Variants in CSMD1 observed in about 807,000 individuals in gnomAD.
The protein encoded by CSMD1 is CUB and Sushi multiple domains 1.
CSMD1 carries 213 observed loss-of-function variants against 417.5 expected under a neutral mutation model. The ratio of observed to expected loss-of-function variants is 0.51; its 90% CI spans 0.46 to 0.57. The LOEUF (loss-of-function observed/expected upper bound fraction) is 0.57. Ranked by LOEUF, CSMD1 falls within the 20% of genes least tolerant of loss-of-function variation. The pLI, the probability that CSMD1 is intolerant of heterozygous loss-of-function variation, is 0.00. For missense variants in CSMD1, 6,923 were observed against 4,529.7 expected, an observed-to-expected ratio of 1.53 and a Z score of -15.17; for synonymous variants, 2,862 against 1,736.8, an observed-to-expected ratio of 1.65 and a Z score of -16.11.
At chr8:3,318,937 T>A (rs562414939) in intron 23 of CSMD1, among the ~76,000 whole-genome samples, 48 of 152,150 alleles carry the variant, frequency 3.2e-4, no homozygotes, top group African/African-American at 1.0e-3. Context: ...TTACAAATAA[T>A]AAAAACATAC....
intron 2 of CSMD1, among the ~76,000 whole-genome samples, chr8:4,579,526 C>A (rs1370054657): frequency 6.6e-6 from 1 of 151,924 alleles, no homozygotes; most frequent in African/African-American, 2.4e-5. Context: ...CCACGCCCAG[C>A]TAATTTTTTG....
Position 3,151,398 on chromosome 8 carries a change from A to G in CSMD1, c.6030T>C (p.Tyr2010=), listed in dbSNP as rs1187260453. 6.3e-7 allele frequency: 1 copy of G among 1,599,752 alleles called. No individual in the cohort carries two copies. The highest frequency in any genetic ancestry group is 1.7e-5 in the Admixed American group (1 of 59,800). The change falls in exon 40 of 70, where the codon TAT becomes TAC. Residue 2010 remains tyrosine, a splice_region_variant and synonymous_variant. Coordinates refer to ENST00000635120, the MANE Select transcript of CSMD1 (RefSeq NM_033225.6). ...GGAATTGGTAACATTTTCACTTACC[A>G]TAGCCGATGGGTAATGAGATCCTCC... The part of the protein sequence containing the change: ...CTWRISLPIG[Y]GAHIQFLNFS...
chr8:4,197,890 G>C (rs1161974595), intron 3 of CSMD1, among the ~76,000 whole-genome samples: 3 of 151,832 alleles, frequency 2.0e-5, no homozygotes, highest in African/African-American at 7.3e-5. Flanking sequence ...AAGTTAAGAA[G>C]AAAAAAAGCT....
intron 2 of CSMD1, among the ~76,000 whole-genome samples, chr8:4,483,705 T>C (rs1026889289): frequency 1.3e-5 from 2 of 152,144 alleles, no homozygotes; most frequent in South Asian, 2.1e-4. Flanking sequence ...TTGCTTGTCA[T>C]GAAGAAAAAG....
intron 1 of CSMD1, among the ~76,000 whole-genome samples, chr8:4,850,217 C>G (rs1464630314): frequency 1.3e-5 from 2 of 152,152 alleles, no homozygotes; most frequent in East Asian, 1.9e-4. Context: ...GGTTATCTGT[C>G]ATTTTATTAC....
intron 1 of CSMD1, among the ~76,000 whole-genome samples, chr8:4,703,677 G>C (rs1271542891): frequency 6.6e-6 from 1 of 152,042 alleles, no homozygotes; most frequent in Non-Finnish European, 1.5e-5. Context: ...AATAGTAGTT[G>C]ACTTAGCATT....
intron 3 of CSMD1, among the ~76,000 whole-genome samples, chr8:4,089,332 T>C (rs1424240134): frequency 6.6e-6 from 1 of 152,110 alleles, no homozygotes; most frequent in Non-Finnish European, 1.5e-5. Context: ...AGAAGAGAGC[T>C]CGGTATGGGG....
At chr8:4,486,399 G>A (rs925085779) in intron 2 of CSMD1, among the ~76,000 whole-genome samples, 17 of 150,006 alleles carry the variant, frequency 1.1e-4, no homozygotes, top group Non-Finnish European at 2.2e-4. Flanking sequence ...TTTACTTCCA[G>A]GAATCATAAC....
chr8:3,603,996 T>G (rs1486921090), intron 8 of CSMD1, among the ~76,000 whole-genome samples: 2 of 152,210 alleles, frequency 1.3e-5, no homozygotes, highest in African/African-American at 2.4e-5. Flanking sequence ...GCATACTGAA[T>G]CAATATTTAT....
intron 23 of CSMD1, among the ~76,000 whole-genome samples, chr8:3,339,559 T>C (rs1185554090): frequency 1.3e-5 from 2 of 152,170 alleles, no homozygotes; most frequent in Non-Finnish European, 2.9e-5. Flanking sequence ...TTTGAAATAA[T>C]TGACGAAGCT....
intron 51 of CSMD1, among the ~76,000 whole-genome samples, chr8:3,021,992 G>T (rs983732743): frequency 6.8e-6 from 1 of 147,954 alleles, no homozygotes; most frequent in African/African-American, 2.5e-5. Flanking sequence ...CACAGCATCA[G>T]GAATGCACCT....
chr8:4,554,866 A>T (rs1200195092), intron 2 of CSMD1, among the ~76,000 whole-genome samples: 1 of 152,274 alleles, frequency 6.6e-6, no homozygotes, highest in South Asian at 2.1e-4. Context: ...GATAAATAGA[A>T]GGTTGCCAGG....
At chr8:3,198,268 G>C (rs575598946) in intron 33 of CSMD1, among the ~76,000 whole-genome samples, 1 of 152,316 alleles carries the variant, frequency 6.6e-6, no homozygotes, top group Admixed American at 6.5e-5. Flanking sequence ...TATAAAGGCA[G>C]ACAAGGTCAG....
intron 27 of CSMD1, among the ~76,000 whole-genome samples, chr8:3,225,596 G>T (rs889909063): frequency 5.3e-5 from 8 of 152,272 alleles, no homozygotes; most frequent in Admixed American, 2.6e-4. Context: ...TTTGTAAGAT[G>T]AAAAATGACA....
Position 2,978,781 on chromosome 8 carries a change from T to G in CSMD1, c.8397A>C (p.Pro2799=). ...PTCRVVNCSD[P]GFVENAIRHG... is the part of the protein sequence containing the mutation. Reference sequence around the variant, plus strand: ...GACGAATGGCATTTTCCACAAAGCCTGGATCAGAACAGTTCACCACTAGAA... The same window carrying G: ...GACGAATGGCATTTTCCACAAAGCCGGGATCAGAACAGTTCACCACTAGAA... The change falls in exon 55 of 70, where the codon CCA becomes CCC. Residue 2799 remains proline, a synonymous_variant. Transcript: ENST00000635120. 1 of 1,613,244 alleles carries G rather than the reference T, an allele frequency of 6.2e-7. No individual in the cohort carries two copies. Among genetic ancestry groups the G allele is most frequent in the Non-Finnish European group, 8.5e-7 (1 of 1,179,558 alleles).
At chr8:3,699,038 G>C (rs942954245) in intron 7 of CSMD1, among the ~76,000 whole-genome samples, 4 of 152,150 alleles carry the variant, frequency 2.6e-5, no homozygotes, top group African/African-American at 7.2e-5. Flanking sequence ...TCAAGCTCTG[G>C]ATCTAGCGAA....
At chr8:4,714,528 A>T (rs1808520395) in intron 1 of CSMD1, among the ~76,000 whole-genome samples, 1 of 152,206 alleles carries the variant, frequency 6.6e-6, no homozygotes, top group African/African-American at 2.4e-5. Flanking sequence ...CCAATTGAAC[A>T]TAACAGATAG....
At chr8:4,051,067 G>A (rs1459878899) in intron 3 of CSMD1, among the ~76,000 whole-genome samples, 1 of 152,032 alleles carries the variant, frequency 6.6e-6, no homozygotes, top group African/African-American at 2.4e-5. Flanking sequence ...GCTTTGTTTT[G>A]AAGCGCACTG....
chr8:4,707,765 T>C (rs547861874), intron 1 of CSMD1, among the ~76,000 whole-genome samples: 4 of 151,672 alleles, frequency 2.6e-5, no homozygotes, highest in South Asian at 4.2e-4. Flanking sequence ...CAGGCGCCTG[T>C]AATCCCAGCT....
Sources: allele counts gnomAD v4.1 joint callset (sites outside exome capture counted in the v4.1 genomes callset), GRCh38; gene constraint gnomAD v4.1.1; transcripts MANE v1.5; gene names NCBI Gene and HGNC (gene_info 2026-07-23, HGNC 2026-07-21).